The following LCOR variants were observed in gnomAD, a reference collection of about 807,000 sequenced individuals.
The protein encoded by LCOR is ligand-dependent corepressor.
Under a neutral mutation model 64.4 loss-of-function variants are expected in LCOR, and 14 were observed. The ratio of observed to expected loss-of-function variants is 0.22; its 90% CI spans 0.14 to 0.34. The LOEUF is 0.34. Ranked by LOEUF, LCOR falls within the 10% of genes least tolerant of loss-of-function variation. The pLI, the probability that LCOR is intolerant of heterozygous loss-of-function variation, is 1.00. For synonymous variants in LCOR, 643 were observed against 642.5 expected (o/e 1.00, Z -0.01); for missense variants, 1,686 against 1,765.3 (o/e 0.96, Z 0.80).
At chr10:96,956,849 T>G (rs1847792015) in intron 7 of LCOR, 21 of 985,294 alleles carry the variant, frequency 2.1e-5, no homozygotes, top group Non-Finnish European at 2.4e-5. Flanking sequence ...ATTGATGTGC[T>G]AACTGAATAT....
intron 7 of LCOR, among the ~76,000 whole-genome samples, chr10:96,975,150 G>A (rs1216006266): frequency 2.0e-5 from 3 of 152,156 alleles, no homozygotes; most frequent in African/African-American, 4.8e-5. Flanking sequence ...CAGCCTGGGC[G>A]ACAGAGGGAG....
At chr10:96,963,624 GAC>G (rs1224244000) in intron 7 of LCOR, 1 of 152,218 alleles carries the variant, frequency 6.6e-6, no homozygotes, top group East Asian at 1.9e-4. Context: ...CATATCAGCA[GAC>G]AGTTTTGTCC....
rs773186003 is a variant in LCOR at position 96,981,422 on chromosome 10, T to G, written c.962T>G (p.Ile321Ser). 84 of 1,614,064 alleles carry G rather than the reference T, an allele frequency of 5.2e-5. No individual in the cohort carries two copies. Among genetic ancestry groups the G allele is most frequent in the Non-Finnish European group, 6.6e-5 (78 of 1,180,042 alleles). ...AGTTCAGCTTTAGTAGAAAGTCTAATTACAGTAAAAATGGCAGCTGAGAAT... is the reference window on the plus strand; with the variant it reads ...AGTTCAGCTTTAGTAGAAAGTCTAAGTACAGTAAAAATGGCAGCTGAGAAT... ...MQSSALVESL[I>S]TVKMAAENSE... The change falls in exon 8 of 8, where the codon ATT becomes AGT. Residue 321 changes from isoleucine (I) to serine (S), a missense_variant. Around this residue, in one of 3 missense-constraint regions of LCOR, gnomAD observed 313 missense variants for 247.2 expected, o/e 1.27. Transcript: ENST00000421806.
intron 2 of LCOR, among the ~76,000 whole-genome samples, chr10:96,878,324 T>C (rs4919058): frequency 0.35 from 53,645 of 152,012 alleles, 13,408 homozygotes; most frequent in African/African-American, 0.7. Context: ...AAGCTGGAAG[T>C]TATTGCATCA....
At position 96,981,914 on chromosome 10, in the gene LCOR, A is replaced by G; in HGVS notation, c.1454A>G (p.Glu485Gly). 1 of 1,614,230 alleles carries G rather than the reference A, an allele frequency of 6.2e-7. No homozygotes were observed. Among genetic ancestry groups the G allele is most frequent in the Non-Finnish European group, 8.5e-7 (1 of 1,180,044 alleles). Residue 485 changes from glutamate to glycine, a missense_variant, in exon 8 of 8, where the codon GAG becomes GGG. By Grantham distance (98) the Glu-to-Gly change is moderately conservative. Coordinates refer to ENST00000421806, the MANE Select transcript of LCOR (RefSeq NM_001346516.2). ...CAACCAATAACAGAATGCCACTTTG[A>G]GAATCAAAAATCAATATTATCTTCT... ...ISQPITECHF[E>G]NQKSILSSRK...
At chr10:96,954,994 G>A (rs755694105) in intron 7 of LCOR, 24 of 1,613,930 alleles carry the variant, frequency 1.5e-5, no homozygotes, top group Admixed American at 5.0e-5. Context: ...GACGGACTTC[G>A]GAGTGGTGAT....
At position 96,915,469 on chromosome 10, in the gene LCOR, C is replaced by T. The variant is rs1413778322; in HGVS notation, c.-184+7722C>T. On this transcript the variant is annotated intron_variant, in intron 4 of 7. Transcript: ENST00000421806. The stretch of plus-strand genomic sequence containing the variant: ...CCAGGAGGCGGAGGTTGCAGTCAGC[C>T]GAGATTGCGCCACTGCACTCCAGCC... Among the ~76,000 whole-genome samples, 5 of 152,104 alleles carry T rather than the reference C, an allele frequency of 3.3e-5. No individual in the cohort carries two copies. The South Asian group carries it at 6.2e-4, about 19-fold the overall frequency.
intron 2 of LCOR, among the ~76,000 whole-genome samples, chr10:96,852,554 A>C (rs2134380041): frequency 6.6e-6 from 1 of 152,376 alleles, no homozygotes; most frequent in East Asian, 1.9e-4. Context: ...CAAATATTAT[A>C]AAATCTGAAC....
chr10:96,922,890 G>T (rs190270388), intron 4 of LCOR, among the ~76,000 whole-genome samples: 1 of 152,200 alleles, frequency 6.6e-6, no homozygotes, highest in Non-Finnish European at 1.5e-5. Flanking sequence ...TTTGAATGCC[G>T]TATTTAACTC....
rs181297601 is a variant in LCOR, at chr10:96,931,404, T to C, written c.-183-12709T>C. On this transcript the variant is annotated intron_variant, in intron 4 of 7. Coordinates refer to ENST00000421806, the MANE Select transcript of LCOR (RefSeq NM_001346516.2). ...GCACACTACCATGCCTGGGTAGTTT[T>C]TTTGTATTTTTGGTAGAGATGGGGT... Among the ~76,000 whole-genome samples, 453 of 152,108 alleles carry C rather than the reference T, an allele frequency of 3.0e-3. 3 individuals are homozygous for C. Among genetic ancestry groups the C allele is most frequent in the African/African-American group, 0.01 (433 of 41,490 alleles).
At chr10:96,858,906 A>G (rs1439380452) in intron 2 of LCOR, among the ~76,000 whole-genome samples, 7 of 152,126 alleles carry the variant, frequency 4.6e-5, no homozygotes, top group African/African-American at 1.7e-4. Flanking sequence ...TTCTTTCTCT[A>G]CTGGCTCTCC....
chr10:96,965,064 A>G (rs1847934608), intron 7 of LCOR, among the ~76,000 whole-genome samples: 3 of 151,694 alleles, frequency 2.0e-5, no homozygotes, highest in Non-Finnish European at 4.4e-5. Flanking sequence ...GCTGGAATGC[A>G]GTGGCACGAT....
At chr10:96,961,401 A>AC (rs1847878504) in intron 7 of LCOR, 1 of 152,146 alleles carries the variant, frequency 6.6e-6, no homozygotes, top group African/African-American at 2.4e-5. Context: ...GTGGAAATGA[A>AC]CTCTTTTACC....
In LCOR at chr10:96,992,145, CACT is replaced by C; in HGVS notation, c.*7013_*7015del. ...CACAGGTAGGGATTATTTTTAGAGT[CACT>C]ATAGCTTAAGGTTATTGATTTCACT... On this transcript the variant is annotated 3_prime_UTR_variant, in exon 8 of 8. Coordinates refer to ENST00000421806, the MANE Select transcript of LCOR (RefSeq NM_001346516.2). 1 of 152,130 alleles carries C rather than the reference CACT, an allele frequency of 6.6e-6. No individual in the cohort carries two copies. The highest frequency in any genetic ancestry group is 1.9e-4 in the East Asian group (1 of 5,178). The allele number at this position is 152,130 out of a possible 1,614,324, so 9.4% of individuals were successfully genotyped here.
intron 5 of LCOR, among the ~76,000 whole-genome samples, chr10:96,947,365 T>A (rs1186285149): frequency 6.6e-6 from 1 of 152,088 alleles, no homozygotes; most frequent in Non-Finnish European, 1.5e-5. Context: ...TATCGTCCTT[T>A]CGGGGGAAAA....
intron 2 of LCOR, among the ~76,000 whole-genome samples, chr10:96,905,330 T>C (rs1846709178): frequency 1.3e-5 from 2 of 152,204 alleles, no homozygotes; most frequent in Non-Finnish European, 1.5e-5. Context: ...ATATTAGATT[T>C]GCTCTTCAGG....
At chr10:96,870,241 G>C (rs1846050659) in intron 2 of LCOR, among the ~76,000 whole-genome samples, 1 of 151,810 alleles carries the variant, frequency 6.6e-6, no homozygotes, top group Non-Finnish European at 1.5e-5. Context: ...TCAATCTCCT[G>C]ACCTCATGAT....
intron 2 of LCOR, among the ~76,000 whole-genome samples, chr10:96,885,815 C>T (rs948545792): frequency 6.6e-6 from 1 of 151,424 alleles, no homozygotes; most frequent in Non-Finnish European, 1.5e-5. Flanking sequence ...TTATGGGATA[C>T]TTTAGATTTG....
chr10:96,976,186 G>T (rs773159300), intron 7 of LCOR, among the ~76,000 whole-genome samples: 4 of 152,138 alleles, frequency 2.6e-5, no homozygotes, highest in Non-Finnish European at 5.9e-5. Context: ...ACATACAAAT[G>T]ATCTTTTTTG....
Sources: allele counts gnomAD v4.1 joint callset (sites outside exome capture counted in the v4.1 genomes callset), GRCh38; gene constraint gnomAD v4.1.1; regional missense constraint gnomAD v4.1.1; transcripts MANE v1.5; gene names NCBI Gene and HGNC (gene_info 2026-07-23, HGNC 2026-07-21).